The following SLC9A4 variants were observed in gnomAD, a reference collection of about 807,000 sequenced individuals.
SLC9A4 encodes sodium/hydrogen exchanger 4.
SLC9A4 carries 63 observed loss-of-function variants against 67.4 expected under a neutral mutation model. That is an observed-to-expected ratio of 0.93 (90% CI 0.76 to 1.15). SLC9A4 has a LOEUF of 1.15. Ranked by LOEUF, SLC9A4 falls within the 50% of genes most tolerant of loss-of-function variation. SLC9A4 has a pLI of 0.00. For missense variants in SLC9A4, 1,089 were observed against 987.7 expected (o/e 1.10, Z -1.38); for synonymous variants, 393 against 367.2 (o/e 1.07, Z -0.80).
At chr2:102,520,467 G>A (rs1263578322) in intron 9 of SLC9A4, among the ~76,000 whole-genome samples, 2 of 152,112 alleles carry the variant, frequency 1.3e-5, no homozygotes, top group Non-Finnish European at 2.9e-5. Context: ...CTAGTCCTTG[G>A]GACCTGGTCC....
chr2:102,532,566 G>A lies in SLC9A4; in HGVS notation c.2275G>A (p.Glu759Lys), dbSNP rs755948900. The A allele has an allele frequency of 1.9e-6, 3 of 1,613,980 alleles. No individual in the cohort carries two copies. The highest frequency in any genetic ancestry group is 2.7e-5 in the African/African-American group (2 of 74,930). Residue 759 changes from glutamate to lysine, a missense_variant, in exon 12 of 12, where the codon GAG becomes AAG. Physicochemically the swap from Glu to Lys is moderately conservative, Grantham distance 56. Coordinates refer to ENST00000295269, the MANE Select transcript of SLC9A4 (RefSeq NM_001011552.4). ...GTTTCATGCAGTGGATGAGGAGGGT[G>A]AGTCTGGAGGGGAGAGTGAGGGCAA... ...PLFHAVDEEG[E>K]SGGESEGKAS...
At position 102,518,222 on chromosome 2, in the gene SLC9A4, G is replaced by A. The variant is rs539918923; in HGVS notation, c.1722-1637G>A. Among the ~76,000 whole-genome samples, 42 of 152,314 alleles carry A rather than the reference G, an allele frequency of 2.8e-4. 1 individual carries two copies. The highest frequency in any genetic ancestry group is 1.5e-3 in the Admixed American group (23 of 15,302). On this transcript the variant is annotated intron_variant, in intron 8 of 11. Coordinates refer to ENST00000295269, the MANE Select transcript of SLC9A4 (RefSeq NM_001011552.4). ...AGTGGTCAGTTATAAACTGGGAAGA[G>A]TGCCAAGTTACAGCTACTGCTATAT... is the stretch of plus-strand genomic sequence containing the variant.
At chr2:102,520,283 G>A (rs1051069977) in intron 9 of SLC9A4, among the ~76,000 whole-genome samples, 5 of 152,098 alleles carry the variant, frequency 3.3e-5, no homozygotes. Flanking sequence ...GAACAAAGAT[G>A]GCACCAGGAT....
At position 102,488,117 on chromosome 2, in the gene SLC9A4, C is replaced by T. The variant is rs28658251; in HGVS notation, c.720+8815C>T. ...AGAAATTCCTGACTTGAGAGAAAAG[C>T]GTAGAGCTTCAAGCACAGCCTGGGG... On this transcript the variant is annotated intron_variant, in intron 2 of 11. Transcript: ENST00000295269. Among the ~76,000 whole-genome samples, 839 of 152,216 alleles carry T rather than the reference C, an allele frequency of 5.5e-3. 17 individuals are homozygous for T. Among genetic ancestry groups the T allele is most frequent in the African/African-American group, 0.019 (802 of 41,528 alleles).
chr2:102,505,963 G>A (rs1685041794), intron 4 of SLC9A4, among the ~76,000 whole-genome samples: 1 of 152,132 alleles, frequency 6.6e-6, no homozygotes, highest in Non-Finnish European at 1.5e-5. Flanking sequence ...TGTATTCTAT[G>A]GAAGACAAAT....
intron 9 of SLC9A4, among the ~76,000 whole-genome samples, chr2:102,523,736 C>A (rs1282129343): frequency 1.3e-5 from 2 of 152,222 alleles, no homozygotes; most frequent in African/African-American, 4.8e-5. Flanking sequence ...CTCTCACACA[C>A]TTTGAATGAA....
At position 102,505,411 on chromosome 2, in the gene SLC9A4, G is replaced by C. The variant is rs1329797133; in HGVS notation, c.1138G>C (p.Glu380Gln). The change falls in exon 4 of 12, where the codon GAG (glutamate) becomes CAG (glutamine). Residue 380 changes from glutamate (E) to glutamine (Q), a missense_variant. By Grantham distance (29) the Glu-to-Gln change is conservative (BLOSUM62 2). Coordinates refer to ENST00000295269, the MANE Select transcript of SLC9A4 (RefSeq NM_001011552.4). Reference sequence around the variant, plus strand: ...TGTGTCCACTGTGGGCAAGAATCACGAGTGGAACTGGGCCTTCATCTGCTT... The same window carrying C: ...TGTGTCCACTGTGGGCAAGAATCACCAGTGGAACTGGGCCTTCATCTGCTT... ...MGVSTVGKNHEWNWAFICFTL... is the reference protein window; with the variant it reads ...MGVSTVGKNHQWNWAFICFTL... 1 of 1,614,216 alleles carries C rather than the reference G, an allele frequency of 6.2e-7. No individual in the cohort carries two copies. Among genetic ancestry groups the C allele is most frequent in the Non-Finnish European group, 8.5e-7 (1 of 1,180,038 alleles).
intron 2 of SLC9A4, among the ~76,000 whole-genome samples, chr2:102,480,273 C>T: frequency 6.6e-6 from 1 of 151,918 alleles, no homozygotes; most frequent in Non-Finnish European, 1.5e-5. Flanking sequence ...AATCTTTTAT[C>T]ATCTATGTGT....
rs1684259489 is a variant in SLC9A4 at position 102,473,311 on chromosome 2, A to G, written c.-449A>G. ...CCTTCTTGGGATCTGATAGACAGGG[A>G]AGGTTTCCTTTCCTCATTAGAAGGA... is the stretch of plus-strand genomic sequence containing the variant. On this transcript the variant is annotated 5_prime_UTR_variant, in exon 1 of 12. Transcript: ENST00000295269. 1 of 155,590 alleles carries G rather than the reference A, an allele frequency of 6.4e-6. No individual in the cohort carries two copies. The highest frequency in any genetic ancestry group is 1.4e-5 in the Non-Finnish European group (1 of 70,344). 9.6% of individuals were successfully genotyped at this position (155,590 alleles called of 1,614,324 possible). A position where few individuals can be genotyped will look rare whatever the true frequency, so the allele number is the denominator to read the frequency against.
Position 102,532,692 on chromosome 2 carries a change from T to TGTGGACA in SLC9A4, c.*4_*5insGTGGACA, listed in dbSNP as rs1410319689. 1 of 1,609,544 alleles carries TGTGGACA rather than the reference T, an allele frequency of 6.2e-7. No homozygotes were observed. The highest frequency in any genetic ancestry group is 8.5e-7 in the Non-Finnish European group (1 of 1,177,480). On this transcript the variant is annotated 3_prime_UTR_variant, in exon 12 of 12. Transcript: ENST00000295269. ...TCCTTTGCTCCAAAAAAAATAGTGT[T>TGTGGACA]ATTGTCCACAAGATTGTTTTGGTGT...
chr2:102,515,530 A>G (rs1460766710), intron 8 of SLC9A4, among the ~76,000 whole-genome samples: 4 of 151,270 alleles, frequency 2.6e-5, no homozygotes, highest in African/African-American at 9.7e-5. Context: ...GGCTTTAAGG[A>G]AACTTCTGAT....
At chr2:102,487,183 G>GTGTGTGTGTGTGTT (rs1553411535) in intron 2 of SLC9A4, among the ~76,000 whole-genome samples, 3 of 151,642 alleles carry the variant, frequency 2.0e-5, no homozygotes, top group African/African-American at 7.3e-5. Context: ...CAGCTGGTGT[G>GTGTGTGTGTGTGTT]TGTGTGTGTG....
At chr2:102,479,989 T>C (rs1684425121) in intron 2 of SLC9A4, among the ~76,000 whole-genome samples, 1 of 152,234 alleles carries the variant, frequency 6.6e-6, no homozygotes, top group South Asian at 2.1e-4. Context: ...TTGCTCAATT[T>C]CATTAATTAC....
At chr2:102,507,006 C>T (rs531764045) in intron 4 of SLC9A4, among the ~76,000 whole-genome samples, 30 of 152,214 alleles carry the variant, frequency 2.0e-4, no homozygotes, top group African/African-American at 7.0e-4. Flanking sequence ...TTCACACTCG[C>T]GAAGGCTTGC....
chr2:102,473,700 C>G lies in SLC9A4; in HGVS notation c.-60C>G. On this transcript the variant is annotated 5_prime_UTR_variant, in exon 1 of 12. Transcript: ENST00000295269. ...ATGCAGTCACTCTCTAGAAGCCTCC[C>G]CGACTTCAGATGTGTGGCACACATC... The G allele has an allele frequency of 1.9e-6, 3 of 1,584,662 alleles. No individual in the cohort carries two copies. The South Asian group carries it at 3.4e-5, about 18-fold the overall frequency.
intron 1 of SLC9A4, among the ~76,000 whole-genome samples, chr2:102,475,232 C>T (rs976468283): frequency 6.6e-6 from 1 of 152,188 alleles, no homozygotes; most frequent in African/African-American, 2.4e-5. Context: ...TCAGAACAGT[C>T]TAACATCTTT....
At chr2:102,479,366 C>T (rs1336397363) in intron 2 of SLC9A4, 64 bp downstream of exon 2, 1 of 1,498,626 alleles carries the variant, frequency 6.7e-7, no homozygotes, top group Non-Finnish European at 8.9e-7. Context: ...GGCTGGGGAC[C>T]GGAGGCTGTG....
chr2:102,530,606 T>C (rs1674756484), intron 11 of SLC9A4, among the ~76,000 whole-genome samples: 1 of 152,124 alleles, frequency 6.6e-6, no homozygotes, highest in Non-Finnish European at 1.5e-5. Context: ...GTCTGTCCAC[T>C]GATGGAGCAC....
chr2:102,523,737 T>C (rs540040832), intron 9 of SLC9A4, among the ~76,000 whole-genome samples: 1 of 152,184 alleles, frequency 6.6e-6, no homozygotes, highest in Non-Finnish European at 1.5e-5. Context: ...TCTCACACAC[T>C]TTGAATGAAG....
Sources: allele counts gnomAD v4.1 joint callset (sites outside exome capture counted in the v4.1 genomes callset), GRCh38; gene constraint gnomAD v4.1.1; transcripts MANE v1.5; gene names NCBI Gene and HGNC (gene_info 2026-07-23, HGNC 2026-07-21).